FRAS1: variants seen among roughly 807,000 people sequenced by gnomAD.
The protein encoded by FRAS1 is Fraser extracellular matrix complex subunit 1, also known as extracellular matrix organizing protein FRAS1.
Under a neutral mutation model 435.2 loss-of-function variants are expected in FRAS1, and 290 were observed. The ratio of observed to expected loss-of-function variants is 0.67; its 90% CI spans 0.61 to 0.73. FRAS1 has a LOEUF of 0.73. Among genes scored for constraint, FRAS1 ranks in the 30% least tolerant of loss-of-function variants. The pLI, the probability that FRAS1 is intolerant of heterozygous loss-of-function variation, is 0.00. For synonymous variants in FRAS1, 1,800 were observed against 1,851.0 expected (o/e 0.97, Z 0.71); for missense variants, 4,860 against 5,001.5 (o/e 0.97, Z 0.85).
chr4:78,440,243 A>G (rs1734606309), intron 40 of FRAS1, among the ~76,000 whole-genome samples: 1 of 151,760 alleles, frequency 6.6e-6, no homozygotes, highest in African/African-American at 2.4e-5. Flanking sequence ...CTTGTTAGCC[A>G]GGATGGTCTC....
At chr4:78,363,079 C>G (rs907915655) in intron 20 of FRAS1, among the ~76,000 whole-genome samples, 1 of 152,106 alleles carries the variant, frequency 6.6e-6, no homozygotes, top group East Asian at 1.9e-4. Context: ...GGGACTCACC[C>G]GCCCTGTCCA....
intron 20 of FRAS1, 135 bp downstream of exon 20, chr4:78,337,952 T>A: frequency 1.3e-6 from 1 of 783,398 alleles, no homozygotes; most frequent in Non-Finnish European, 2.1e-6. Flanking sequence ...GTCTGGAAAC[T>A]CATGTTACTG....
intron 2 of FRAS1, among the ~76,000 whole-genome samples, chr4:78,215,388 G>A (rs1453620716): frequency 1.3e-5 from 2 of 152,098 alleles, no homozygotes; most frequent in African/African-American, 2.4e-5. Flanking sequence ...TAGAGATGGG[G>A]TTTTACCATG....
At chr4:78,419,626 A>G (rs1733689925) in intron 33 of FRAS1, among the ~76,000 whole-genome samples, 2 of 152,146 alleles carry the variant, frequency 1.3e-5, no homozygotes, top group African/African-American at 4.8e-5. Flanking sequence ...TTGACTTTGG[A>G]CTTAACTAAT....
chr4:78,322,371 T>G (rs1456375184), intron 18 of FRAS1, among the ~76,000 whole-genome samples: 1 of 152,194 alleles, frequency 6.6e-6, no homozygotes, highest in Non-Finnish European at 1.5e-5. Context: ...AGATGGGTGT[T>G]GTGTGTATGT....
chr4:78,251,497 C>A (rs1018577962), intron 4 of FRAS1, among the ~76,000 whole-genome samples: 2 of 152,040 alleles, frequency 1.3e-5, no homozygotes, highest in African/African-American at 4.8e-5. Flanking sequence ...CATCCATCAC[C>A]CCCCATGCTG....
In FRAS1 at chr4:78,057,775, G is replaced by C. The variant is rs1402869628; in HGVS notation, c.-235G>C. 9.0e-6 allele frequency: 5 copies of C among 553,576 alleles called. No individual in the cohort carries two copies. Among genetic ancestry groups the C allele is most frequent in the East Asian group, 5.8e-5 (2 of 34,618 alleles). The allele number at this position is 553,576 out of a possible 1,614,324, so 34.3% of individuals were successfully genotyped here. A position where few individuals can be genotyped will look rare whatever the true frequency, so the allele number is the denominator to read the frequency against. Reference sequence around the variant, plus strand: ...CACGTTGGCGTCCTGCCTTGCGGGGGAACTCGGCGCGCTCTCTGCCTGAGC... The same window carrying C: ...CACGTTGGCGTCCTGCCTTGCGGGGCAACTCGGCGCGCTCTCTGCCTGAGC... On this transcript the variant is annotated 5_prime_UTR_variant, in exon 1 of 74. Transcript: ENST00000512123. This position sits in a 1 kb window ranked among gnomAD's most constrained non-coding sequence, Gnocchi z 4.2.
intron 2 of FRAS1, among the ~76,000 whole-genome samples, chr4:78,069,607 A>C (rs1740233337): frequency 6.6e-6 from 1 of 152,112 alleles, no homozygotes; most frequent in Admixed American, 6.5e-5. Flanking sequence ...GAGGACAAAG[A>C]AAGCCTCTCC....
At chr4:78,241,894 G>GA (rs576136212) in intron 3 of FRAS1, among the ~76,000 whole-genome samples, 16 of 150,404 alleles carry the variant, frequency 1.1e-4, no homozygotes, top group South Asian at 8.4e-4. Context: ...GACACAGGTA[G>GA]AAAAAAAAAC....
chr4:78,260,379 C>T (rs9762380), intron 6 of FRAS1, among the ~76,000 whole-genome samples: 88,231 of 151,744 alleles, frequency 0.58, 26,291 homozygotes, highest in Middle Eastern at 0.68. Context: ...TTTATTTCAT[C>T]GATCAGTGGT....
chr4:78,115,971 C>T (rs1194357636), intron 2 of FRAS1, among the ~76,000 whole-genome samples: 2 of 152,164 alleles, frequency 1.3e-5, no homozygotes, highest in Non-Finnish European at 2.9e-5. Context: ...ACATTTAGTG[C>T]TATAAATTTC....
chr4:78,181,526 C>A, intron 2 of FRAS1: 1 of 1,611,612 alleles, frequency 6.2e-7, no homozygotes. Context: ...ACGTCCACGG[C>A]CCCCTCGACC....
rs1452790187 is a variant in FRAS1 at position 78,265,077 on chromosome 4, G to C, written c.656G>C (p.Arg219Thr). 1 of 1,613,330 alleles carries C rather than the reference G, an allele frequency of 6.2e-7. No homozygotes were observed. The highest frequency in any genetic ancestry group is 2.2e-5 in the East Asian group (1 of 44,886). ...PGKCCPQCSARSCSAAGQVYE... is the reference protein window; with the variant it reads ...PGKCCPQCSATSCSAAGQVYE... ...AAATGTTGCCCGCAGTGCTCTGCAA[G>C]ATCCTGCTCTGCAGCTGGCCAAGTA... Residue 219 changes from arginine (R) to threonine (T), a missense_variant, in exon 7 of 74, where the codon AGA (arginine) becomes ACA (threonine). Transcript: ENST00000512123.
In FRAS1 at chr4:78,400,742, G is replaced by C. The variant is rs1192000617; in HGVS notation, c.3984G>C (p.Arg1328Ser). The C allele has an allele frequency of 1.2e-6, 2 of 1,611,966 alleles. No individual in the cohort carries two copies. Among genetic ancestry groups the C allele is most frequent in the Non-Finnish European group, 8.5e-7 (1 of 1,179,170 alleles). Residue 1328 changes from arginine (R) to serine (S), a missense_variant, in exon 30 of 74, where the codon AGG becomes AGC. Physicochemically the swap from Arg to Ser is moderately radical, Grantham distance 110 (BLOSUM62 -1). Transcript: ENST00000512123. ...TTTTATTTTTATTTCAGAATGACAG[G>C]GGTCTTCAGCTTGTGGCTAATTCGA... ...FQVKTVPQNDRGLQLVANSMV... is the reference protein window; with the variant it reads ...FQVKTVPQNDSGLQLVANSMV...
chr4:78,321,363 A>G (rs1439613845), intron 18 of FRAS1, among the ~76,000 whole-genome samples: 2 of 152,230 alleles, frequency 1.3e-5, no homozygotes, highest in South Asian at 4.1e-4. Context: ...TATCCGTGCT[A>G]TAAACCATCA....
At chr4:78,354,636 C>T (rs1211539107) in intron 20 of FRAS1, among the ~76,000 whole-genome samples, 21 of 152,126 alleles carry the variant, frequency 1.4e-4, no homozygotes, top group East Asian at 1.9e-4. Context: ...TTTCACCTGA[C>T]GAAGAACAGC....
At chr4:78,238,356 A>C (rs1724849219) in intron 3 of FRAS1, among the ~76,000 whole-genome samples, 1 of 150,070 alleles carries the variant, frequency 6.7e-6, no homozygotes, top group African/African-American at 2.4e-5. Context: ...ATTTTTTAAA[A>C]AAGCTTAAGC....
intron 70 of FRAS1, among the ~76,000 whole-genome samples, chr4:78,530,929 G>T (rs561070539): frequency 6.6e-6 from 1 of 152,282 alleles, no homozygotes; most frequent in African/African-American, 2.4e-5. Flanking sequence ...ATTACTTTGG[G>T]CAGTATGGCC....
At chr4:78,094,627 T>C (rs1191183519) in intron 2 of FRAS1, among the ~76,000 whole-genome samples, 2 of 152,176 alleles carry the variant, frequency 1.3e-5, no homozygotes, top group Admixed American at 1.3e-4. Context: ...AGAGCTGACC[T>C]TTCATTAAGA....
Sources: gnomAD v4.1 joint callset for allele counts (sites outside exome capture counted in the v4.1 genomes callset) on GRCh38, gnomAD v4.1.1 for gene constraint, Gnocchi (gnomAD v3.1) non-coding constraint, MANE v1.5 for transcripts, NCBI Gene and HGNC (gene_info 2026-07-23, HGNC 2026-07-21) for gene names.